CLIP1: variants seen among roughly 807,000 people sequenced by gnomAD.
The protein encoded by CLIP1 is CAP-Gly domain-containing linker protein 1.
Under a neutral mutation model 161.6 loss-of-function variants are expected in CLIP1, and 66 were observed. The ratio of observed to expected loss-of-function variants is 0.41; its 90% CI spans 0.33 to 0.50. The LOEUF (loss-of-function observed/expected upper bound fraction) is 0.50, where lower values mean the gene tolerates loss of function less well. Among genes scored for constraint, CLIP1 ranks in the 20% least tolerant of loss-of-function variants. CLIP1 has a pLI of 0.27. For missense variants in CLIP1, 1,376 were observed against 1,702.0 expected, an observed-to-expected ratio of 0.81 and a Z score of 3.37; for synonymous variants, 598 against 626.2, an observed-to-expected ratio of 0.96 and a Z score of 0.67.
intron 1 of CLIP1, among the ~76,000 whole-genome samples, chr12:122,387,578 A>AT (rs1955367018): frequency 3.2e-4 from 1 of 3,110 alleles, no homozygotes; most frequent in Non-Finnish European, 1.3e-3. Flanking sequence ...ATATATATAT[A>AT]TATATATATA....
chr12:122,398,173 C>T (rs1012684292), intron 1 of CLIP1, among the ~76,000 whole-genome samples: 28 of 150,398 alleles, frequency 1.9e-4, no homozygotes, highest in African/African-American at 4.9e-4. Flanking sequence ...CGCAGCACTT[C>T]GGAAGGCCAA....
chr12:122,392,149 T>C (rs1022184316), intron 1 of CLIP1, among the ~76,000 whole-genome samples: 2 of 152,064 alleles, frequency 1.3e-5, no homozygotes, highest in African/African-American at 2.4e-5. Context: ...ATCACGCCTA[T>C]AGAGCGAGCT....
At chr12:122,405,606 T>C (rs1030176941) in intron 1 of CLIP1, among the ~76,000 whole-genome samples, 2 of 151,630 alleles carry the variant, frequency 1.3e-5, no homozygotes, top group African/African-American at 4.9e-5. Context: ...CTGGCCAACA[T>C]GGCAAAACCC....
At chr12:122,373,929 C>T (rs1954583579) in intron 3 of CLIP1, among the ~76,000 whole-genome samples, 1 of 151,804 alleles carries the variant, frequency 6.6e-6, no homozygotes, top group African/African-American at 2.4e-5. Context: ...AAGACAGACA[C>T]AAAAAAAGCA....
At chr12:122,404,193 A>C (rs1205542156) in intron 1 of CLIP1, among the ~76,000 whole-genome samples, 1 of 152,220 alleles carries the variant, frequency 6.6e-6, no homozygotes, top group East Asian at 1.9e-4. Context: ...AGGCCACAGA[A>C]GGGCCAATGT....
intron 8 of CLIP1, among the ~76,000 whole-genome samples, chr12:122,351,439 G>A (rs776224241): frequency 6.6e-6 from 1 of 152,196 alleles, no homozygotes; most frequent in South Asian, 2.1e-4. Flanking sequence ...GGCTGTATAT[G>A]AAATGAGTGA....
intron 4 of CLIP1, among the ~76,000 whole-genome samples, chr12:122,362,374 C>T (rs1251298953): frequency 2.7e-5 from 4 of 150,642 alleles, no homozygotes; most frequent in South Asian, 4.2e-4. Context: ...GGCCAGGCGC[C>T]GTGGCTCACG....
chr12:122,278,180 C>G lies in CLIP1; in HGVS notation c.3940G>C (p.Glu1314Gln). The G allele has an allele frequency of 1.2e-6, 2 of 1,600,122 alleles. No individual in the cohort carries two copies. The highest frequency in any genetic ancestry group is 1.7e-6 in the Non-Finnish European group (2 of 1,175,840). ...SSGNTDTQAD[E>Q]DERAQESQID... ...TGACTCTCCTGGGCTCTTTCATCCT[C>G]GTCTGCCTGAGTGTCTGTATTACCT... is the stretch of plus-strand genomic sequence containing the variant. Residue 1314 changes from glutamate (E) to glutamine (Q), a missense_variant, in exon 24 of 26, where the codon GAG becomes CAG. Glu to Gln is a conservative substitution (Grantham distance 29, BLOSUM62 2). Around this residue, in one of 6 missense-constraint regions of CLIP1, gnomAD observed 948 missense variants for 1,134.8 expected, o/e 0.84. Transcript: ENST00000620786.
Position 122,341,496 on chromosome 12 carries a change from T to C in CLIP1, c.1708A>G (p.Ile570Val). 6.2e-7 allele frequency: 1 copy of C among 1,613,884 alleles called. No individual in the cohort carries two copies. Among genetic ancestry groups the C allele is most frequent in the Non-Finnish European group, 8.5e-7 (1 of 1,179,864 alleles). ...CCAAAATGCTCCTTCAGAGAAGTTA[T>C]TTCTCTCTGGTGGTCAGTACGGGTG... is the stretch of plus-strand genomic sequence containing the variant. ...EVTRTDHQREITSLKEHFGAR... is the reference protein window; with the variant it reads ...EVTRTDHQREVTSLKEHFGAR... Residue 570 changes from isoleucine (I) to valine (V), a missense_variant, in exon 11 of 26, where the codon ATA becomes GTA. Ile to Val is a conservative substitution (Grantham distance 29, BLOSUM62 3). Around this residue, in one of 6 missense-constraint regions of CLIP1, gnomAD observed 948 missense variants for 1,134.8 expected, o/e 0.84. Coordinates refer to ENST00000620786, the MANE Select transcript of CLIP1 (RefSeq NM_001247997.2).
At chr12:122,379,647 A>G (rs1044685791) in intron 2 of CLIP1, among the ~76,000 whole-genome samples, 4 of 151,694 alleles carry the variant, frequency 2.6e-5, no homozygotes, top group Non-Finnish European at 2.9e-5. Context: ...ACGTCTTTCA[A>G]TTAAAAATTC....
At chr12:122,305,412 CA>C (rs1950827697) in intron 20 of CLIP1, among the ~76,000 whole-genome samples, 1 of 152,200 alleles carries the variant, frequency 6.6e-6, no homozygotes, top group African/African-American at 2.4e-5. Flanking sequence ...GCCCAGGCTA[CA>C]AAGTGAGACT....
intron 4 of CLIP1, among the ~76,000 whole-genome samples, chr12:122,362,657 A>G (rs1348145985): frequency 6.8e-6 from 1 of 146,966 alleles, no homozygotes; most frequent in Non-Finnish European, 1.5e-5. Context: ...AAAAAAAAAA[A>G]AAAAAAAAAA....
At chr12:122,341,758 T>A (rs1442739204) in intron 10 of CLIP1, 61 bp from the exon 11 acceptor site, 1 of 339,766 alleles carries the variant, frequency 2.9e-6, no homozygotes. Context: ...GACTATTTTC[T>A]TTTCTTTTTT....
chr12:122,364,190 C>T, intron 3 of CLIP1, 83 bp from the exon 4 acceptor site: 1 of 1,499,174 alleles, frequency 6.7e-7, no homozygotes, highest in Non-Finnish European at 9.2e-7. Context: ...TAACTAGGTA[C>T]TACATTCCAT....
At chr12:122,348,044 A>C (rs1952832980) in intron 9 of CLIP1, among the ~76,000 whole-genome samples, 1 of 152,194 alleles carries the variant, frequency 6.6e-6, no homozygotes, top group Non-Finnish European at 1.5e-5. Flanking sequence ...GTCAAATAAA[A>C]ACCTCAGTAG....
At chr12:122,402,121 A>G (rs187754429) in intron 1 of CLIP1, among the ~76,000 whole-genome samples, 1 of 152,338 alleles carries the variant, frequency 6.6e-6, no homozygotes, top group African/African-American at 2.4e-5. Flanking sequence ...TGAATTTTCT[A>G]GTATCCATAT....
intron 5 of CLIP1, among the ~76,000 whole-genome samples, chr12:122,356,772 C>T (rs142220575): frequency 2.0e-5 from 3 of 152,002 alleles, no homozygotes; most frequent in Non-Finnish European, 4.4e-5. Flanking sequence ...CGAGTGCCTG[C>T]GATTGCAGGC....
intron 17 of CLIP1, 61 bp from the exon 18 acceptor site, chr12:122,319,409 G>A (rs1951396801): frequency 7.7e-7 from 1 of 1,298,076 alleles, no homozygotes; most frequent in Non-Finnish European, 1.1e-6. Flanking sequence ...GTTAGGTGAG[G>A]ATCGGGCTGT....
At chr12:122,411,934 C>A (rs765351358) in intron 1 of CLIP1, among the ~76,000 whole-genome samples, 2 of 151,926 alleles carry the variant, frequency 1.3e-5, no homozygotes, top group Non-Finnish European at 2.9e-5. Context: ...TAAAAAACCA[C>A]TGAATTGTAT....
Sources: allele counts gnomAD v4.1 joint callset (sites outside exome capture counted in the v4.1 genomes callset), GRCh38; gene constraint gnomAD v4.1.1; regional missense constraint gnomAD v4.1.1; transcripts MANE v1.5; gene names NCBI Gene and HGNC (gene_info 2026-07-23, HGNC 2026-07-21).